The following COL22A1 variants were observed in gnomAD, a reference collection of about 807,000 sequenced individuals.
The protein encoded by COL22A1 is collagen alpha-1(XXII) chain.
A neutral mutation model predicts 248.9 loss-of-function variants in COL22A1; 221 were observed. The observed-to-expected ratio is 0.89, with a 90% CI of 0.80 to 0.99. The LOEUF is 0.99. COL22A1 is among the 50% of genes least tolerant of loss of function. The probability of loss-of-function intolerance (pLI) is 0.00; values close to 1 mark genes in which losing one functional copy is unlikely to be tolerated. For missense variants in COL22A1, 2,240 were observed against 2,179.0 expected (o/e 1.03, Z -0.56); for synonymous variants, 891 against 793.4 (o/e 1.12, Z -2.07).
intron 63 of COL22A1, among the ~76,000 whole-genome samples, chr8:138,591,793 CG>C (rs1205672004): frequency 6.6e-6 from 1 of 152,214 alleles, no homozygotes; most frequent in African/African-American, 2.4e-5. Context: ...TGCTCAAGCA[CG>C]TATCTACCCA....
intron 1 of COL22A1, among the ~76,000 whole-genome samples, chr8:138,888,274 G>A (rs1824812865): frequency 6.6e-6 from 1 of 152,164 alleles, no homozygotes; most frequent in Admixed American, 6.5e-5. Context: ...CTGGTAGAAG[G>A]AAGCCCAGGG....
chr8:138,877,776 C>A lies in COL22A1; in HGVS notation c.632G>T (p.Gly211Val). ...SDFNAIDKIR[G>V]KLRRRLCENV... ...TTCACAAAGACGGCGCCGCAGCTTG[C>A]CCCGGATCTTGTCGATGGCATTGAA... The change falls in exon 3 of 65, where the codon GGC (glycine) becomes GTC (valine). Residue 211 changes from glycine (G) to valine (V), a missense_variant. Coordinates refer to ENST00000303045, the MANE Select transcript of COL22A1 (RefSeq NM_152888.3). 1 of 1,601,366 alleles carries A rather than the reference C, an allele frequency of 6.2e-7. No homozygotes were observed. Among genetic ancestry groups the A allele is most frequent in the Non-Finnish European group, 8.5e-7 (1 of 1,173,366 alleles).
intron 11 of COL22A1, among the ~76,000 whole-genome samples, chr8:138,799,336 T>C (rs1816815551): frequency 6.6e-6 from 1 of 152,360 alleles, no homozygotes; most frequent in African/African-American, 2.4e-5. Flanking sequence ...GCAGTTTCTC[T>C]TGTCTGCTGC....
At chr8:138,647,743 G>T (rs1173410417) in intron 46 of COL22A1, among the ~76,000 whole-genome samples, 1 of 152,138 alleles carries the variant, frequency 6.6e-6, no homozygotes, top group Non-Finnish European at 1.5e-5. Flanking sequence ...AACATTGAGT[G>T]GTTCTGAACA....
At chr8:138,797,131 A>G (rs1308728299) in intron 11 of COL22A1, among the ~76,000 whole-genome samples, 1 of 152,192 alleles carries the variant, frequency 6.6e-6, no homozygotes, top group African/African-American at 2.4e-5. Context: ...CATATAATTC[A>G]CCTACTTAAA....
At chr8:138,701,014 C>T (rs1827922078) in intron 31 of COL22A1, among the ~76,000 whole-genome samples, 1 of 123,584 alleles carries the variant, frequency 8.1e-6, no homozygotes, top group Non-Finnish European at 1.7e-5. Flanking sequence ...AAAAAAAAGG[C>T]TTCTCAGGTG....
chr8:138,634,882 C>T (rs910420308), intron 49 of COL22A1, 128 bp downstream of exon 49: 16 of 725,464 alleles, frequency 2.2e-5, no homozygotes, highest in Admixed American at 2.0e-4. Context: ...ACAACTCTGT[C>T]ACCTTTTGGG....
intron 9 of COL22A1, among the ~76,000 whole-genome samples, chr8:138,809,529 T>TTTTTCTTTTTTC (rs1818022395): frequency 3.2e-5 from 1 of 31,402 alleles, no homozygotes; most frequent in East Asian, 8.3e-4. Flanking sequence ...TTTCTTTTTC[T>TTTTTCTTTTTTC]TTTTTTTTTG....
chr8:138,806,268 G>A (rs1441227739), intron 10 of COL22A1, among the ~76,000 whole-genome samples: 6 of 150,338 alleles, frequency 4.0e-5, no homozygotes, highest in African/African-American at 7.3e-5. Flanking sequence ...GTGATGGTGT[G>A]TGTGAGATGG....
chr8:138,877,087 G>T (rs1432411572), intron 3 of COL22A1, among the ~76,000 whole-genome samples: 17 of 152,092 alleles, frequency 1.1e-4, no homozygotes, highest in African/African-American at 3.1e-4. Flanking sequence ...CAGAGCCCTG[G>T]GGGCCATCAG....
At chr8:138,854,827 T>G (rs1821896455) in intron 3 of COL22A1, among the ~76,000 whole-genome samples, 1 of 150,482 alleles carries the variant, frequency 6.6e-6, no homozygotes, top group Admixed American at 6.7e-5. Context: ...GTGATGATGG[T>G]GACGATGATG....
At chr8:138,840,421 C>G (rs1289242316) in intron 4 of COL22A1, among the ~76,000 whole-genome samples, 1 of 152,000 alleles carries the variant, frequency 6.6e-6, no homozygotes, top group Admixed American at 6.5e-5. Flanking sequence ...TGGACTGACA[C>G]AGGAGGGCCC....
At chr8:138,692,121 T>C (rs1407505604) in intron 35 of COL22A1, among the ~76,000 whole-genome samples, 9 of 65,248 alleles carry the variant, frequency 1.4e-4, no homozygotes, top group African/African-American at 3.7e-4. Flanking sequence ...GGTGTGTGTA[T>C]GTGTGTACGT....
intron 22 of COL22A1, among the ~76,000 whole-genome samples, chr8:138,739,887 G>C (rs1208663984): frequency 6.6e-6 from 1 of 152,164 alleles, no homozygotes; most frequent in Non-Finnish European, 1.5e-5. Context: ...TGGAGGGTGC[G>C]ATAATGTCTG....
intron 8 of COL22A1, 70 bp from the exon 9 acceptor site, chr8:138,811,991 T>G: frequency 6.9e-7 from 1 of 1,457,034 alleles, no homozygotes; most frequent in Non-Finnish European, 9.1e-7. Flanking sequence ...AGAAGCACAG[T>G]GTCGGGTGCT....
rs564532586 is a variant in COL22A1, at chr8:138,883,468, G to A, written c.-72-224C>T. The stretch of plus-strand genomic sequence containing the variant: ...GATCCCCCCAGCCATCCAATTAGCA[G>A]ATGGGCTTGCAGAAGGGAGTAGGAG... On this transcript the variant is annotated intron_variant, in intron 1 of 64. Transcript: ENST00000303045. Among the ~76,000 whole-genome samples the A allele has an allele frequency of 8.5e-5, 13 of 152,326 alleles. No homozygotes were observed. In the South Asian group the frequency reaches 2.7e-3, roughly 32 times the overall value.
At chr8:138,795,459 A>C (rs551388636) in intron 12 of COL22A1, among the ~76,000 whole-genome samples, 3 of 152,158 alleles carry the variant, frequency 2.0e-5, no homozygotes, top group South Asian at 2.1e-4. Context: ...TCACCCACAG[A>C]CAGCCAGTGG....
At chr8:138,863,753 A>G (rs978533352) in intron 3 of COL22A1, among the ~76,000 whole-genome samples, 1 of 152,004 alleles carries the variant, frequency 6.6e-6, no homozygotes, top group African/African-American at 2.4e-5. Flanking sequence ...TGAAGTGGAC[A>G]ATGTAGGAGG....
intron 2 of COL22A1, among the ~76,000 whole-genome samples, chr8:138,882,468 C>T (rs1397145066): frequency 6.8e-6 from 1 of 147,310 alleles, no homozygotes; most frequent in Non-Finnish European, 1.5e-5. Context: ...CTACACCTCA[C>T]ACTCATACAC....
Sources: allele counts gnomAD v4.1 joint callset (sites outside exome capture counted in the v4.1 genomes callset), GRCh38; gene constraint gnomAD v4.1.1; transcripts MANE v1.5; gene names NCBI Gene and HGNC (gene_info 2026-07-23, HGNC 2026-07-21).